The following SORCS1 variants were observed in gnomAD, a reference collection of about 807,000 sequenced individuals.
SORCS1 encodes sortilin related VPS10 domain containing receptor 1, also known as VPS10 domain-containing receptor SorCS1.
In SORCS1, 60 loss-of-function variants were observed where a neutral mutation model predicts 146.1. That is an observed-to-expected ratio of 0.41 (90% CI 0.33 to 0.51). The LOEUF (loss-of-function observed/expected upper bound fraction) is 0.51. SORCS1 is among the 20% of genes least tolerant of loss of function. The pLI, the probability that SORCS1 is intolerant of heterozygous loss-of-function variation, is 0.21. For missense variants in SORCS1, 1,352 were observed against 1,487.6 expected, an observed-to-expected ratio of 0.91 and a Z score of 1.50; for synonymous variants, 637 against 584.0, an observed-to-expected ratio of 1.09 and a Z score of -1.31.
chr10:106,642,295 G>A (rs1849123078), intron 18 of SORCS1, among the ~76,000 whole-genome samples: 1 of 152,120 alleles, frequency 6.6e-6, no homozygotes, highest in Non-Finnish European at 1.5e-5. Context: ...AACTTGGGGA[G>A]GTGAATCTTT....
intron 1 of SORCS1, among the ~76,000 whole-genome samples, chr10:107,070,306 T>C (rs1962304116): frequency 1.3e-5 from 2 of 152,242 alleles, no homozygotes; most frequent in South Asian, 4.1e-4. Context: ...TTTCAGCTCT[T>C]TGGTGTACAT....
At chr10:106,585,402 C>T (rs1184637468) in intron 24 of SORCS1, among the ~76,000 whole-genome samples, 1 of 152,104 alleles carries the variant, frequency 6.6e-6, no homozygotes, top group Non-Finnish European at 1.5e-5. Context: ...TTTATATTTT[C>T]TGGATCACTA....
At chr10:107,176,968 A>G in the SORCS1 span, among the ~76,000 whole-genome samples, 1 of 152,014 alleles carries the variant, frequency 6.6e-6, no homozygotes, top group African/African-American at 2.4e-5. Flanking sequence ...ATTGTCAATC[A>G]TATGTGTGTG....
intron 1 of SORCS1, among the ~76,000 whole-genome samples, chr10:107,137,061 C>T (rs1356183275): frequency 6.6e-6 from 1 of 152,198 alleles, no homozygotes; most frequent in Non-Finnish European, 1.5e-5. Context: ...GCTCTGTGGT[C>T]GTAAGGCTCC....
At chr10:106,878,904 T>C (rs1201676634) in intron 2 of SORCS1, among the ~76,000 whole-genome samples, 1 of 151,476 alleles carries the variant, frequency 6.6e-6, no homozygotes, top group East Asian at 1.9e-4. Flanking sequence ...TCCCAGCACT[T>C]TGGGAAGCTG....
intron 19 of SORCS1, among the ~76,000 whole-genome samples, chr10:106,627,393 A>G (rs1196357168): frequency 1.3e-5 from 2 of 152,184 alleles, no homozygotes; most frequent in African/African-American, 4.8e-5. Flanking sequence ...TCTCTAGCAA[A>G]ATCACCCCTT....
rs767179233 is a variant in SORCS1 at position 106,840,861 on chromosome 10, A to T, written c.627-11188T>A. On this transcript the variant is annotated intron_variant, in intron 2 of 25. Coordinates refer to ENST00000263054, the MANE Select transcript of SORCS1 (RefSeq NM_052918.5). ...TTATATTATATATATATATATATAT[A>T]TATTTTTTTTTTTTGGATGGAGTCT... Among the ~76,000 whole-genome samples, 466 of 121,690 alleles carry T rather than the reference A, an allele frequency of 3.8e-3. 3 individuals are homozygous for T. The highest frequency in any genetic ancestry group is 0.013 in the African/African-American group (426 of 32,376). 79.8% of individuals were successfully genotyped at this position (121,690 alleles called of 152,430 possible).
In SORCS1 at chr10:106,576,035, C is replaced by A. The variant is rs1844560967; in HGVS notation, c.*1385G>T. ...GAGAACACCACAATTCATCTCTATG[C>A]TTTCTTTTCCAAAGTACATGGCCAG... On this transcript the variant is annotated 3_prime_UTR_variant, in exon 26 of 26. Coordinates refer to ENST00000263054, the MANE Select transcript of SORCS1 (RefSeq NM_052918.5). 6.6e-6 allele frequency: 1 copy of A among 152,338 alleles called. No homozygotes were observed. Among genetic ancestry groups the A allele is most frequent in the African/African-American group, 2.4e-5 (1 of 41,472 alleles). The allele number at this position is 152,338 out of a possible 1,614,324, so 9.4% of individuals were successfully genotyped here. A position where few individuals can be genotyped will look rare whatever the true frequency, so the allele number is the denominator to read the frequency against.
intron 2 of SORCS1, among the ~76,000 whole-genome samples, chr10:106,938,709 T>C (rs1288860567): frequency 6.6e-6 from 1 of 152,200 alleles, no homozygotes. Context: ...ACTACTCAAA[T>C]AAACAAACAA....
chr10:106,735,051 C>G (rs1353317552), intron 5 of SORCS1, among the ~76,000 whole-genome samples: 1 of 148,694 alleles, frequency 6.7e-6, no homozygotes, highest in African/African-American at 2.5e-5. Context: ...GAGGCTGAGG[C>G]AGGAAAATCG....
At chr10:106,989,372 G>C (rs1027512830) in intron 1 of SORCS1, among the ~76,000 whole-genome samples, 3 of 151,046 alleles carry the variant, frequency 2.0e-5, no homozygotes, top group Non-Finnish European at 4.4e-5. Context: ...ATTCTGCCAG[G>C]TCCACTAACA....
chr10:106,611,643 C>T (rs904979531), intron 22 of SORCS1, among the ~76,000 whole-genome samples: 3 of 152,140 alleles, frequency 2.0e-5, no homozygotes, highest in Non-Finnish European at 4.4e-5. Flanking sequence ...TGTACTTGTC[C>T]TCCTTCTCTA....
At chr10:107,158,624 G>T (rs2134900519) in intron 1 of SORCS1, among the ~76,000 whole-genome samples, 1 of 152,290 alleles carries the variant, frequency 6.6e-6, no homozygotes, top group South Asian at 2.1e-4. Context: ...GTTTCTTTGG[G>T]TACAAGACCG....
At chr10:106,905,958 C>T (rs1007859227) in intron 2 of SORCS1, among the ~76,000 whole-genome samples, 3 of 152,196 alleles carry the variant, frequency 2.0e-5, no homozygotes, top group Non-Finnish European at 4.4e-5. Flanking sequence ...TCATAACTAA[C>T]TTAATTTCTA....
At chr10:106,858,754 C>T (rs73374949) in intron 2 of SORCS1, among the ~76,000 whole-genome samples, 2,883 of 152,242 alleles carry the variant, frequency 0.019, 89 homozygotes, top group African/African-American at 0.065. Flanking sequence ...TACATTGGCC[C>T]TGATACCTGG....
chr10:107,141,701 T>C (rs1300459655), intron 1 of SORCS1, among the ~76,000 whole-genome samples: 2 of 152,192 alleles, frequency 1.3e-5, no homozygotes, highest in African/African-American at 4.8e-5. Flanking sequence ...AGGCTGCCTG[T>C]AACAAGGAGG....
chr10:107,162,760 A>C (rs1969802286), intron 1 of SORCS1, among the ~76,000 whole-genome samples: 1 of 152,234 alleles, frequency 6.6e-6, no homozygotes, highest in East Asian at 1.9e-4. Flanking sequence ...CTAAAGTGGC[A>C]CTTCTCTGGG....
intron 1 of SORCS1, among the ~76,000 whole-genome samples, chr10:106,994,071 AAAAAAAAAAAAAAAAAG>A (rs1265366326): frequency 6.7e-6 from 1 of 148,346 alleles, no homozygotes; most frequent in African/African-American, 2.5e-5. Context: ...CTCAAAAAAA[AAAAAAAAAAAAAAAAAG>A]AAAATGAGAA....
intron 18 of SORCS1, among the ~76,000 whole-genome samples, chr10:106,648,986 G>A (rs1046129161): frequency 6.6e-6 from 1 of 152,032 alleles, no homozygotes; most frequent in Non-Finnish European, 1.5e-5. Flanking sequence ...TATCCTATAC[G>A]GAGTTTAGCT....
Sources: allele counts gnomAD v4.1 joint callset (sites outside exome capture counted in the v4.1 genomes callset), GRCh38; gene constraint gnomAD v4.1.1; transcripts MANE v1.5; gene names NCBI Gene and HGNC (gene_info 2026-07-23, HGNC 2026-07-21).